The following PHLDB2 variants were observed in gnomAD, a reference collection of about 807,000 sequenced individuals.
The protein encoded by PHLDB2 is pleckstrin homology like domain family B member 2, also known as pleckstrin homology-like domain family B member 2.
PHLDB2 carries 71 observed loss-of-function variants against 123.6 expected under a neutral mutation model. The observed-to-expected ratio is 0.57, with a 90% CI of 0.47 to 0.70. The LOEUF (loss-of-function observed/expected upper bound fraction) is 0.70. Among genes scored for constraint, PHLDB2 ranks in the 30% least tolerant of loss-of-function variants. The pLI, the probability that PHLDB2 is intolerant of heterozygous loss-of-function variation, is 0.00. For missense variants in PHLDB2, 1,446 were observed against 1,519.5 expected (o/e 0.95, Z 0.80); for synonymous variants, 547 against 541.6 (o/e 1.01, Z -0.14).
intron 1 of PHLDB2, among the ~76,000 whole-genome samples, chr3:111,752,980 A>G (rs2059810247): frequency 1.3e-5 from 2 of 152,158 alleles, no homozygotes; most frequent in African/African-American, 4.8e-5. Flanking sequence ...ACATGAACTC[A>G]TCATTTTTTT....
At chr3:111,954,067 T>G in intron 12 of PHLDB2, 38 bp downstream of exon 12, 2 of 1,571,662 alleles carry the variant, frequency 1.3e-6, no homozygotes, top group Non-Finnish European at 1.7e-6. Flanking sequence ...GGCCTTTTGT[T>G]AAGCATTAGA....
chr3:111,782,328 C>A (rs1251113841), intron 1 of PHLDB2, among the ~76,000 whole-genome samples: 2 of 151,998 alleles, frequency 1.3e-5, no homozygotes, highest in African/African-American at 4.8e-5. Flanking sequence ...TTAAGTCAAA[C>A]CTTAAGCTAG....
chr3:111,774,738 C>T (rs557209822), intron 1 of PHLDB2, among the ~76,000 whole-genome samples: 43 of 152,144 alleles, frequency 2.8e-4, no homozygotes, highest in Non-Finnish European at 7.4e-5. Context: ...GCCCCAAATT[C>T]GTGGTGTTTT....
At chr3:111,829,278 A>G (rs1348274376) in intron 1 of PHLDB2, among the ~76,000 whole-genome samples, 2 of 152,026 alleles carry the variant, frequency 1.3e-5, no homozygotes, top group Non-Finnish European at 2.9e-5. Context: ...GGATTGTTCA[A>G]ATCCATCACT....
rs35775235 is a variant in PHLDB2 at position 111,913,651 on chromosome 3, C to A, written c.1668C>A (p.Ser556=). ...DLTRTPPPPS[S]TFPKASSESS... Reference sequence around the variant, plus strand: ...CCCGGACTCCTCCACCACCATCCTCCACCTTTCCGAAAGCTTCCAGCGAGT... The same window carrying A: ...CCCGGACTCCTCCACCACCATCCTCAACCTTTCCGAAAGCTTCCAGCGAGT... Residue 556 remains serine (S), a synonymous_variant, in exon 3 of 18, where the codon TCC becomes TCA. Coordinates refer to ENST00000431670, the MANE Select transcript of PHLDB2 (RefSeq NM_001134438.2). The A allele has an allele frequency of 1.2e-6, 2 of 1,613,930 alleles. No homozygotes were observed. The highest frequency in any genetic ancestry group is 1.6e-4 in the Middle Eastern group (1 of 6,062).
chr3:111,837,622 C>A (rs1443036720), intron 1 of PHLDB2, among the ~76,000 whole-genome samples: 1 of 152,154 alleles, frequency 6.6e-6, no homozygotes, highest in Non-Finnish European at 1.5e-5. Flanking sequence ...TTCCAAAACT[C>A]CTTAGTTTTT....
chr3:111,739,885 T>C (rs1455400643), intron 1 of PHLDB2, among the ~76,000 whole-genome samples: 1 of 152,156 alleles, frequency 6.6e-6, no homozygotes, highest in Non-Finnish European at 1.5e-5. Flanking sequence ...GGTTTCCCTA[T>C]TAAAATCTGC....
intron 3 of PHLDB2, among the ~76,000 whole-genome samples, chr3:111,918,492 A>G (rs1577081186): frequency 6.6e-6 from 1 of 152,230 alleles, no homozygotes; most frequent in African/African-American, 2.4e-5. Context: ...ATGGCTCCCC[A>G]AAGTGATGTG....
chr3:111,972,400 C>G (rs2072259354), intron 16 of PHLDB2, among the ~76,000 whole-genome samples: 1 of 152,106 alleles, frequency 6.6e-6, no homozygotes, highest in Non-Finnish European at 1.5e-5. Context: ...CTGAACTTTT[C>G]AGGGCCATTA....
intron 13 of PHLDB2, 103 bp from the exon 14 acceptor site, chr3:111,966,500 CATGTGTGTGT>C (rs2071767072): frequency 1.1e-5 from 5 of 467,652 alleles, no homozygotes; most frequent in Middle Eastern, 3.4e-4. Flanking sequence ...CCCTTGACCC[CATGTGTGTGT>C]GTGTGTGTGT....
chr3:111,810,324 C>T (rs562275685), intron 1 of PHLDB2, among the ~76,000 whole-genome samples: 1 of 152,174 alleles, frequency 6.6e-6, no homozygotes, highest in African/African-American at 2.4e-5. Context: ...ATCTTAATCT[C>T]CTCAGGCTGC....
intron 1 of PHLDB2, among the ~76,000 whole-genome samples, chr3:111,782,292 T>C (rs1024940101): frequency 2.0e-5 from 3 of 152,056 alleles, no homozygotes; most frequent in African/African-American, 7.2e-5. Flanking sequence ...TGGCCACTCT[T>C]GAAAAGGACA....
intron 1 of PHLDB2, among the ~76,000 whole-genome samples, chr3:111,813,074 G>A (rs1320096946): frequency 1.3e-5 from 2 of 152,148 alleles, no homozygotes; most frequent in Non-Finnish European, 2.9e-5. Flanking sequence ...GCACATAATG[G>A]TAGTTTGTAG....
chr3:111,878,051 A>G (rs1228536056), intron 1 of PHLDB2, among the ~76,000 whole-genome samples: 1 of 152,162 alleles, frequency 6.6e-6, no homozygotes, highest in Non-Finnish European at 1.5e-5. Flanking sequence ...TTTTGGTTCC[A>G]TATGAAATTT....
chr3:111,972,224 A>C (rs1484082191), intron 16 of PHLDB2, among the ~76,000 whole-genome samples: 2 of 152,230 alleles, frequency 1.3e-5, no homozygotes, highest in African/African-American at 4.8e-5. Flanking sequence ...TTTGAGAGAT[A>C]CATTGACCTT....
At chr3:111,922,259 TCTATTTG>T (rs2068564156) in intron 5 of PHLDB2, among the ~76,000 whole-genome samples, 1 of 152,236 alleles carries the variant, frequency 6.6e-6, no homozygotes, top group South Asian at 2.1e-4. Context: ...GCCTGCAAAT[TCTATTTG>T]TGTATTTCTC....
intron 1 of PHLDB2, among the ~76,000 whole-genome samples, chr3:111,804,106 T>C (rs80000707): frequency 3.9e-5 from 6 of 152,326 alleles, no homozygotes; most frequent in Non-Finnish European, 8.8e-5. Flanking sequence ...TGAGATTTAA[T>C]GCCACAGAGA....
At chr3:111,801,951 T>C (rs1032056619) in intron 1 of PHLDB2, among the ~76,000 whole-genome samples, 22 of 149,218 alleles carry the variant, frequency 1.5e-4, no homozygotes, top group African/African-American at 5.2e-4. Context: ...GTTGCACAAC[T>C]TTGTGAATGT....
At chr3:111,742,763 A>G (rs1299513595) in intron 1 of PHLDB2, among the ~76,000 whole-genome samples, 2 of 152,188 alleles carry the variant, frequency 1.3e-5, no homozygotes, top group African/African-American at 4.8e-5. Flanking sequence ...TAGTGCTGCA[A>G]TAAACATACG....
Sources: allele counts gnomAD v4.1 joint callset (sites outside exome capture counted in the v4.1 genomes callset), GRCh38; gene constraint gnomAD v4.1.1; transcripts MANE v1.5; gene names NCBI Gene and HGNC (gene_info 2026-07-23, HGNC 2026-07-21).